TEX2: variants seen among roughly 807,000 people sequenced by gnomAD.
TEX2 encodes testis expressed 2.
In TEX2, 53 loss-of-function variants were observed where a neutral mutation model predicts 106.9. That is an observed-to-expected ratio of 0.50 (90% confidence interval 0.40 to 0.62). TEX2 has a LOEUF of 0.62. Ranked by LOEUF, TEX2 falls within the 20% of genes least tolerant of loss-of-function variation. The probability of loss-of-function intolerance (pLI) is 0.00; values close to 1 mark genes in which losing one functional copy is unlikely to be tolerated. For synonymous variants in TEX2, 523 were observed against 534.8 expected (o/e 0.98, Z 0.30); for missense variants, 1,207 against 1,379.0 (o/e 0.88, Z 1.98).
intron 1 of TEX2, among the ~76,000 whole-genome samples, chr17:64,238,457 AG>A (rs2033817381): frequency 6.6e-6 from 1 of 152,258 alleles, no homozygotes; most frequent in African/African-American, 2.4e-5. Flanking sequence ...CCAATGTATT[AG>A]TCTGTTCTCA....
chr17:64,253,199 T>C (rs2034124057), intron 1 of TEX2, among the ~76,000 whole-genome samples: 1 of 152,178 alleles, frequency 6.6e-6, no homozygotes, highest in Admixed American at 6.5e-5. Flanking sequence ...GATGCAGTGG[T>C]GTGATCACAG....
chr17:64,173,778 C>T (rs2031509699), intron 6 of TEX2, among the ~76,000 whole-genome samples: 1 of 152,146 alleles, frequency 6.6e-6, no homozygotes, highest in South Asian at 2.1e-4. Flanking sequence ...TGCTGTGCTT[C>T]AGGAGCATGC....
In TEX2 at chr17:64,245,918, T is replaced by C. The variant is rs539601041; in HGVS notation, c.-26+17250A>G. Reference sequence around the variant, plus strand: ...TTTTAGATGAAATTCCACAGTAGGTTTTCTGTAATTACCAACAGCTTGCAT... The same window carrying C: ...TTTTAGATGAAATTCCACAGTAGGTCTTCTGTAATTACCAACAGCTTGCAT... On this transcript the variant is annotated intron_variant, in intron 1 of 11. Transcript: ENST00000584379. Among the ~76,000 whole-genome samples, 12 of 152,350 alleles carry C rather than the reference T, an allele frequency of 7.9e-5. No individual in the cohort carries two copies. In the South Asian group the frequency reaches 2.5e-3, roughly 32 times the overall value.
In TEX2 at chr17:64,161,301, A is replaced by G. The variant is rs183606104; in HGVS notation, c.2672-368T>C. 2.4e-3 allele frequency among the ~76,000 whole-genome samples: 363 copies of G among 152,342 alleles called. 2 individuals are homozygous for G. The highest frequency in any genetic ancestry group is 8.0e-3 in the African/African-American group (332 of 41,578). ...GCTTGACCCAGGGCAAAGCCAGGAC[A>G]AGGCATGCTGATGCCCAGCCAGTTA... On this transcript the variant is annotated intron_variant, in intron 7 of 11. Transcript: ENST00000584379.
At position 64,147,270 on chromosome 17, in the gene TEX2, A is replaced by G. The variant is rs1019734898; in HGVS notation, c.*1699T>C. 1.3e-5 allele frequency: 2 copies of G among 152,214 alleles called. No homozygotes were observed. The allele number at this position is 152,214 out of a possible 1,614,324, so 9.4% of individuals were successfully genotyped here. On this transcript the variant is annotated 3_prime_UTR_variant, in exon 12 of 12. Coordinates refer to ENST00000584379, the MANE Select transcript of TEX2 (RefSeq NM_001288732.2). ...ATGTGGGCTGAAGATAATGGCACAT[A>G]GTTTGAAGGATGTAGTGAGGATGGC... is the stretch of plus-strand genomic sequence containing the variant.
intron 1 of TEX2, among the ~76,000 whole-genome samples, chr17:64,259,495 G>A (rs1296638077): frequency 6.6e-6 from 1 of 152,170 alleles, no homozygotes; most frequent in Non-Finnish European, 1.5e-5. Context: ...AGACCTTAAT[G>A]AATAGGAAGA....
Position 64,154,940 on chromosome 17 carries a change from C to T in TEX2, c.2832G>A (p.Ala944=), listed in dbSNP as rs8068406. ...EGCRPRAFCL[A]DSDEESSSAG... is the part of the protein sequence containing the mutation. ...CGCTGGAGGATTCCTCATCGCTGTC[C>T]GCCAGACAGAATGCCCGGGGCCTGC... Residue 944 remains alanine (A), a synonymous_variant, in exon 9 of 12, where the codon GCG becomes GCA. Transcript: ENST00000584379. 1.2e-3 allele frequency: 1,978 copies of T among 1,601,624 alleles called. 27 individuals carry two copies. The African/African-American group carries it at 0.025, about 20-fold the overall frequency.
Position 64,181,706 on chromosome 17 carries a change from G to A in TEX2, c.2425-4235C>T, listed in dbSNP as rs530275870. On this transcript the variant is annotated intron_variant, in intron 5 of 11. Coordinates refer to ENST00000584379, the MANE Select transcript of TEX2 (RefSeq NM_001288732.2). ...ATTTTTTGTATTTTTAGTACAGACG[G>A]GGCTTCTCCATGGTAGTCAGGCTGG... Among the ~76,000 whole-genome samples the A allele has an allele frequency of 6.2e-4, 94 of 151,918 alleles. 2 individuals carry two copies. Among genetic ancestry groups the A allele is most frequent in the African/African-American group, 2.2e-3 (93 of 41,430 alleles).
intron 1 of TEX2, among the ~76,000 whole-genome samples, chr17:64,255,368 C>T (rs1469653825): frequency 2.6e-5 from 4 of 152,088 alleles, no homozygotes; most frequent in Non-Finnish European, 5.9e-5. Context: ...ATGCAGTGTG[C>T]AGGCATTTTT....
chr17:64,148,930 G>T lies in TEX2; in HGVS notation c.*39C>A. The T allele has an allele frequency of 6.2e-7, 1 of 1,612,504 alleles. No homozygotes were observed. The highest frequency in any genetic ancestry group is 1.1e-5 in the South Asian group (1 of 90,910). On this transcript the variant is annotated 3_prime_UTR_variant, in exon 12 of 12. Coordinates refer to ENST00000584379, the MANE Select transcript of TEX2 (RefSeq NM_001288732.2). ...GGCGGCCAAGAACCCCACACATCCA[G>T]CTCGATGTCACAATATGGGGAACAT...
intron 5 of TEX2, among the ~76,000 whole-genome samples, chr17:64,184,079 A>T (rs2031985212): frequency 6.6e-6 from 1 of 152,102 alleles, no homozygotes; most frequent in Non-Finnish European, 1.5e-5. Flanking sequence ...TCTTCTTTGG[A>T]GAAATGTCTA....
intron 5 of TEX2, among the ~76,000 whole-genome samples, chr17:64,182,084 C>G (rs1417720705): frequency 2.0e-5 from 3 of 151,974 alleles, no homozygotes; most frequent in African/African-American, 7.3e-5. Context: ...AGCCAAGCAC[C>G]CACCGATGGA....
At chr17:64,158,323 G>A (rs1229161856) in intron 8 of TEX2, among the ~76,000 whole-genome samples, 2 of 152,202 alleles carry the variant, frequency 1.3e-5, no homozygotes, top group African/African-American at 2.4e-5. Context: ...TTGCACACTT[G>A]AACAGGGACT....
At chr17:64,226,085 A>AG (rs1228089657) in intron 1 of TEX2, among the ~76,000 whole-genome samples, 4 of 152,190 alleles carry the variant, frequency 2.6e-5, no homozygotes, top group African/African-American at 9.6e-5. Context: ...CCTTTGGGAA[A>AG]GGGTTTAAGA....
At chr17:64,201,130 A>G (rs2032646750) in intron 2 of TEX2, among the ~76,000 whole-genome samples, 1 of 152,106 alleles carries the variant, frequency 6.6e-6, no homozygotes, top group Admixed American at 6.6e-5. Context: ...GCTGAAACCA[A>G]CTCACCTACC....
rs534051122 is a variant in TEX2, at chr17:64,147,325, A to G, written c.*1644T>C. On this transcript the variant is annotated 3_prime_UTR_variant, in exon 12 of 12. Coordinates refer to ENST00000584379, the MANE Select transcript of TEX2 (RefSeq NM_001288732.2). ...TAGCCTTAGGACTGGGCAGTGATCA[A>G]CGCAGTAAATGAAAGCTGCGATTGC... 6.6e-6 allele frequency: 1 copy of G among 152,306 alleles called. No individual in the cohort carries two copies. Among genetic ancestry groups the G allele is most frequent in the African/African-American group, 2.4e-5 (1 of 41,548 alleles). 9.4% of individuals were successfully genotyped at this position (152,306 alleles called of 1,614,324 possible).
At chr17:64,184,289 A>G (rs2031993882) in intron 5 of TEX2, among the ~76,000 whole-genome samples, 1 of 151,484 alleles carries the variant, frequency 6.6e-6, no homozygotes, top group Admixed American at 6.6e-5. Flanking sequence ...TTTTGTAGAG[A>G]TGGAGTCTCA....
chr17:64,255,497 A>T (rs2034167263), intron 1 of TEX2, among the ~76,000 whole-genome samples: 1 of 152,248 alleles, frequency 6.6e-6, no homozygotes, highest in African/African-American at 2.4e-5. Flanking sequence ...GCAAAAGTTG[A>T]TAATTATCAA....
chr17:64,182,018 A>G (rs2031888650), intron 5 of TEX2, among the ~76,000 whole-genome samples: 1 of 152,140 alleles, frequency 6.6e-6, no homozygotes, highest in African/African-American at 2.4e-5. Flanking sequence ...AAAACAAGAT[A>G]TGTGTACACT....
Sources: gnomAD v4.1 joint callset for allele counts (sites outside exome capture counted in the v4.1 genomes callset) on GRCh38, gnomAD v4.1.1 for gene constraint, MANE v1.5 for transcripts, NCBI Gene and HGNC (gene_info 2026-07-23, HGNC 2026-07-21) for gene names.